PTPRZ1: variants seen among roughly 807,000 people sequenced by gnomAD.
PTPRZ1 encodes protein tyrosine phosphatase receptor type Z1.
PTPRZ1 carries 82 observed loss-of-function variants against 214.1 expected under a neutral mutation model. That is an observed-to-expected ratio of 0.38 (90% confidence interval 0.32 to 0.46). The LOEUF (loss-of-function observed/expected upper bound fraction) is 0.46, where lower values mean the gene tolerates loss of function less well. Among genes scored for constraint, PTPRZ1 ranks in the 20% least tolerant of loss-of-function variants. The pLI is 1.00. For synonymous variants in PTPRZ1, 945 were observed against 987.9 expected, an observed-to-expected ratio of 0.96 and a Z score of 0.81; for missense variants, 2,603 against 2,748.7, an observed-to-expected ratio of 0.95 and a Z score of 1.19.
rs763217119 is a variant in PTPRZ1, at chr7:121,976,770, A to G, written c.553-15A>G. ...TGTTTTATTCTTTTTTTAGAATGTG[A>G]TTCTTTTTTAACAGGTTGGGACAGA... On this transcript the variant is annotated splice_polypyrimidine_tract_variant and intron_variant, in intron 5 of 29. Transcript: ENST00000393386. 3.2e-6 allele frequency: 5 copies of G among 1,571,948 alleles called. No individual in the cohort carries two copies. The highest frequency in any genetic ancestry group is 4.3e-6 in the Non-Finnish European group (5 of 1,155,368).
chr7:121,916,870 G>A (rs1037888753), intron 1 of PTPRZ1, among the ~76,000 whole-genome samples: 11 of 152,176 alleles, frequency 7.2e-5, no homozygotes, highest in Admixed American at 6.5e-4. Flanking sequence ...TCACTTTGGG[G>A]ATTCACAGAA....
rs1302971967 is a variant in PTPRZ1 at position 121,883,667 on chromosome 7, C to T, written c.58+10110C>T. On this transcript the variant is annotated intron_variant, in intron 1 of 29. Coordinates refer to ENST00000393386, the MANE Select transcript of PTPRZ1 (RefSeq NM_002851.3). Reference sequence around the variant, plus strand: ...TTGAGACGGAGTTTCACTCTTGTTGCCCAGGCTGGAGTGCAATGGTGCGAT... The same window carrying T: ...TTGAGACGGAGTTTCACTCTTGTTGTCCAGGCTGGAGTGCAATGGTGCGAT... Among the ~76,000 whole-genome samples the T allele has an allele frequency of 5.3e-5, 8 of 152,176 alleles. No individual in the cohort carries two copies. In the South Asian group the frequency reaches 1.0e-3, roughly 20 times the overall value.
At chr7:122,060,558 C>G (rs1385057486) in intron 29 of PTPRZ1, among the ~76,000 whole-genome samples, 1 of 152,134 alleles carries the variant, frequency 6.6e-6, no homozygotes, top group Non-Finnish European at 1.5e-5. Flanking sequence ...CTTACCTTTG[C>G]TCATAGCAGG....
chr7:121,903,682 T>C (rs1795034746), intron 1 of PTPRZ1, among the ~76,000 whole-genome samples: 1 of 152,292 alleles, frequency 6.6e-6, no homozygotes, highest in South Asian at 2.1e-4. Flanking sequence ...TTTTTAAAAG[T>C]CCATTTCTTT....
intron 1 of PTPRZ1, chr7:121,908,674 A>G: frequency 2.2e-6 from 1 of 464,494 alleles, no homozygotes; most frequent in East Asian, 5.8e-5. Context: ...AAACTTGAAT[A>G]AATTGCTATT....
intron 23 of PTPRZ1, among the ~76,000 whole-genome samples, chr7:122,049,593 T>G (rs1350760383): frequency 6.6e-6 from 1 of 151,996 alleles, no homozygotes; most frequent in Non-Finnish European, 1.5e-5. Flanking sequence ...AAAAAGACAC[T>G]TAACAAAATG....
chr7:121,882,701 A>T (rs1483326706), intron 1 of PTPRZ1, among the ~76,000 whole-genome samples: 3 of 152,202 alleles, frequency 2.0e-5, no homozygotes, highest in African/African-American at 7.2e-5. Context: ...GTATCAGAGC[A>T]TAGGATGGAT....
Position 122,012,233 on chromosome 7 carries a change from G to A in PTPRZ1, c.3187G>A (p.Val1063Ile), listed in dbSNP as rs1798691937. The change falls in exon 12 of 30, where the codon GTT becomes ATT. Residue 1063 changes from valine to isoleucine, a missense_variant. Val to Ile is a conservative substitution (Grantham distance 29, BLOSUM62 3). Around this residue, in one of 6 missense-constraint regions of PTPRZ1, gnomAD observed 1,913 missense variants for 1,914.3 expected, o/e 1.00. Transcript: ENST00000393386. Reference sequence around the variant, plus strand: ...GCAAATTCCTTCTTTCAATGAGATGGTTTACCCTTCTGAAAGCACAGTCAT... The same window carrying A: ...GCAAATTCCTTCTTTCAATGAGATGATTTACCCTTCTGAAAGCACAGTCAT... The part of the protein sequence containing the change: ...ELQIPSFNEM[V>I]YPSESTVMPN... 1 of 1,613,786 alleles carries A rather than the reference G, an allele frequency of 6.2e-7. No homozygotes were observed. Among genetic ancestry groups the A allele is most frequent in the Admixed American group, 1.7e-5 (1 of 59,988 alleles).
intron 26 of PTPRZ1, 120 bp from the exon 27 acceptor site, chr7:122,054,821 C>A: frequency 1.0e-6 from 1 of 990,058 alleles, no homozygotes; most frequent in Non-Finnish European, 1.4e-6. Flanking sequence ...AGTAAATATT[C>A]AGATTCAAAG....
intron 12 of PTPRZ1, among the ~76,000 whole-genome samples, chr7:122,018,541 T>A (rs1206385): frequency 6.6e-6 from 1 of 151,180 alleles, no homozygotes; most frequent in African/African-American, 2.4e-5. Flanking sequence ...AATAAAACAA[T>A]GGGTAAGAAG....
chr7:121,969,403 A>T (rs890339376), intron 3 of PTPRZ1, among the ~76,000 whole-genome samples: 12 of 152,018 alleles, frequency 7.9e-5, no homozygotes, highest in Non-Finnish European at 1.0e-4. Flanking sequence ...CTCTACTAAA[A>T]ATAAAAAAAT....
rs116508986 is a variant in PTPRZ1 at position 121,886,672 on chromosome 7, G to T, written c.58+13115G>T. Among the ~76,000 whole-genome samples, 505 of 152,212 alleles carry T rather than the reference G, an allele frequency of 3.3e-3. 6 individuals are homozygous for T. Among genetic ancestry groups the T allele is most frequent in the African/African-American group, 0.011 (475 of 41,548 alleles). ...TTGCAAGTTTATAGCAATGACTGTTGAAATGATTTAAGGAATCGGATTCTT... is the reference window on the plus strand; with the variant it reads ...TTGCAAGTTTATAGCAATGACTGTTTAAATGATTTAAGGAATCGGATTCTT... On this transcript the variant is annotated intron_variant, in intron 1 of 29. Coordinates refer to ENST00000393386, the MANE Select transcript of PTPRZ1 (RefSeq NM_002851.3).
rs147525518 is a variant in PTPRZ1, at chr7:122,003,950, T to C, written c.1241-664T>C. Among the ~76,000 whole-genome samples the C allele has an allele frequency of 7.4e-3, 1,133 of 152,316 alleles. 12 individuals are homozygous for C. Among genetic ancestry groups the C allele is most frequent in the African/African-American group, 0.025 (1,052 of 41,576 alleles). On this transcript the variant is annotated intron_variant, in intron 10 of 29. Transcript: ENST00000393386. ...GATTGTGGTCATCAGATTCTTTAAG[T>C]AGACAGCATTAGCTGAGTTTCCCTG... is the stretch of plus-strand genomic sequence containing the variant.
intron 27 of PTPRZ1, among the ~76,000 whole-genome samples, chr7:122,058,243 T>C (rs1171839262): frequency 6.6e-6 from 1 of 151,984 alleles, no homozygotes; most frequent in East Asian, 1.9e-4. Flanking sequence ...AAAAGTACAC[T>C]TTTGGAAGCT....
intron 23 of PTPRZ1, among the ~76,000 whole-genome samples, chr7:122,045,711 C>T (rs1414548944): frequency 2.0e-5 from 3 of 151,628 alleles, no homozygotes; most frequent in Non-Finnish European, 4.4e-5. Flanking sequence ...CACACACACA[C>T]ACAATATTAC....
intron 1 of PTPRZ1, among the ~76,000 whole-genome samples, chr7:121,885,070 T>A (rs1748749002): frequency 1.3e-5 from 2 of 152,232 alleles, no homozygotes; most frequent in Non-Finnish European, 2.9e-5. Context: ...TGGAAGTTTG[T>A]TGGTTTTTGT....
chr7:121,967,776 G>A (rs571980553), intron 2 of PTPRZ1, among the ~76,000 whole-genome samples, 175 bp from the exon 3 acceptor site: 13 of 152,172 alleles, frequency 8.5e-5, no homozygotes, highest in South Asian at 2.1e-4. Context: ...GTAGTGTTTC[G>A]TATTGAAATC....
At chr7:121,965,256 T>C (rs1263232251) in intron 2 of PTPRZ1, among the ~76,000 whole-genome samples, 1 of 152,192 alleles carries the variant, frequency 6.6e-6, no homozygotes, top group East Asian at 1.9e-4. Flanking sequence ...AGGTGTCTCA[T>C]TTGAAGCCTG....
chr7:121,976,659 G>T (rs1797443955), intron 5 of PTPRZ1, 126 bp from the exon 6 acceptor site: 4 of 699,842 alleles, frequency 5.7e-6, no homozygotes, highest in African/African-American at 5.6e-5. Flanking sequence ...TATAAAAAAA[G>T]TGTTTTTGGA....
Sources: allele counts gnomAD v4.1 joint callset (sites outside exome capture counted in the v4.1 genomes callset), GRCh38; gene constraint gnomAD v4.1.1; regional missense constraint gnomAD v4.1.1; transcripts MANE v1.5; gene names NCBI Gene and HGNC (gene_info 2026-07-23, HGNC 2026-07-21).